The following STAT5A variants were observed in gnomAD, a reference collection of about 807,000 sequenced individuals.
STAT5A encodes signal transducer and activator of transcription 5A, also known as epididymis secretory sperm binding protein.
A neutral mutation model predicts 100.2 loss-of-function variants in STAT5A; 26 were observed. That is an observed-to-expected ratio of 0.26 (90% CI 0.19 to 0.36). The LOEUF is 0.36. Ranked by LOEUF, STAT5A falls within the 10% of genes least tolerant of loss-of-function variation. The pLI, the probability that STAT5A is intolerant of heterozygous loss-of-function variation, is 1.00. For synonymous variants in STAT5A, 330 were observed against 424.3 expected (o/e 0.78, Z 2.73); for missense variants, 634 against 1,027.5 (o/e 0.62, Z 5.24).
chr17:42,303,341 G>A (rs1390903345), intron 9 of STAT5A, among the ~76,000 whole-genome samples: 1 of 152,194 alleles, frequency 6.6e-6, no homozygotes, highest in Non-Finnish European at 1.5e-5. Context: ...ATTGCAGCTG[G>A]GGAGACTGAT....
Position 42,308,272 on chromosome 17 carries a change from C to A in STAT5A, c.2001C>A (p.Ile667=), listed in dbSNP as rs761289148. The A allele has an allele frequency of 1.2e-6, 2 of 1,614,210 alleles. No individual in the cohort carries two copies. The highest frequency in any genetic ancestry group is 1.7e-6 in the Non-Finnish European group (2 of 1,180,038). The change falls in exon 16 of 19, where the codon ATC becomes ATA. Residue 667 remains isoleucine (I), a synonymous_variant. Coordinates refer to ENST00000590949, the MANE Select transcript of STAT5A (RefSeq NM_001288718.2). The surrounding 1 kb of genome is among the most constrained non-coding windows in gnomAD (Gnocchi z 4.6). ...GGCTGGGGGACCTGAGCTATCTCAT[C>A]TATGTGTTTCCTGACCGCCCCAAGG... ...ADRLGDLSYL[I]YVFPDRPKDE...
At chr17:42,305,544 T>G in intron 11 of STAT5A, 66 bp from the exon 12 acceptor site, 1 of 1,295,720 alleles carries the variant, frequency 7.7e-7, no homozygotes, top group South Asian at 1.3e-5. Context: ...AGATTGGGCA[T>G]GTTGCCTAAG....
At position 42,308,287 on chromosome 17, in the gene STAT5A, C is replaced by T; in HGVS notation, c.2016C>T (p.Asp672=). The T allele has an allele frequency of 6.2e-7, 1 of 1,614,250 alleles. No homozygotes were observed. Among genetic ancestry groups the T allele is most frequent in the Admixed American group, 1.7e-5 (1 of 60,030 alleles). The part of the protein sequence containing the change: ...DLSYLIYVFP[D]RPKDEVFSKY... ...GCTATCTCATCTATGTGTTTCCTGA[C>T]CGCCCCAAGGATGAGGTCTTCTCCA... The change falls in exon 16 of 19, where the codon GAC becomes GAT. Residue 672 remains aspartate (D), a synonymous_variant. Transcript: ENST00000590949. The surrounding 1 kb of genome is among the most constrained non-coding windows in gnomAD (Gnocchi z 4.6).
At position 42,308,263 on chromosome 17, in the gene STAT5A, C is replaced by T. The variant is rs763815484; in HGVS notation, c.1992C>T (p.Ser664=). The T allele has an allele frequency of 1.2e-6, 2 of 1,614,210 alleles. No individual in the cohort carries two copies. The highest frequency in any genetic ancestry group is 4.5e-5 in the East Asian group (2 of 44,876). Residue 664 remains serine, a synonymous_variant, in exon 16 of 19, where the codon AGC becomes AGT. Coordinates refer to ENST00000590949, the MANE Select transcript of STAT5A (RefSeq NM_001288718.2). The surrounding 1 kb of genome is among the most constrained non-coding windows in gnomAD (Gnocchi z 4.6). ...TGGCTGACCGGCTGGGGGACCTGAG[C>T]TATCTCATCTATGTGTTTCCTGACC... The part of the protein sequence containing the change: ...RSLADRLGDL[S]YLIYVFPDRP...
In STAT5A at chr17:42,304,560, C is replaced by T. The variant is rs1204224434; in HGVS notation, c.1288C>T (p.Arg430Trp). The stretch of plus-strand genomic sequence containing the variant: ...GAAGAGGATCAAGCGTGCTGACCGG[C>T]GGGGTGCAGAGTCCGTGACAGAGGA... ...SLKRIKRADR[R>W]GAESVTEEKF... Residue 430 changes from arginine to tryptophan, a missense_variant, in exon 11 of 19, where the codon CGG becomes TGG. By Grantham distance (101) the Arg-to-Trp change is moderately radical (BLOSUM62 -3). Transcript: ENST00000590949. This position sits in a 1 kb window ranked among gnomAD's most constrained non-coding sequence, Gnocchi z 4.8. The T allele has an allele frequency of 6.2e-7, 1 of 1,614,206 alleles. No individual in the cohort carries two copies. Among genetic ancestry groups the T allele is most frequent in the South Asian group, 1.1e-5 (1 of 91,082 alleles).
intron 18 of STAT5A, among the ~76,000 whole-genome samples, chr17:42,310,097 T>C (rs2081065972): frequency 6.6e-6 from 1 of 152,190 alleles, no homozygotes; most frequent in Non-Finnish European, 1.5e-5. Context: ...GCTGTAAAAA[T>C]TGGAGTCATG....
rs2293156 is a variant in STAT5A at position 42,301,383 on chromosome 17, C to T, written c.1098C>T (p.Pro366=). ...GGAAGCTGAACGTGCACATGAATCC[C>T]CCCCAGGTGAAGGCCACCATCATCA... ...VGGKLNVHMN[P]PQVKATIISE... is the part of the protein sequence containing the mutation. Residue 366 remains proline, a synonymous_variant, in exon 9 of 19, where the codon CCC becomes CCT. Transcript: ENST00000590949. 85 of 1,614,062 alleles carry T rather than the reference C, an allele frequency of 5.3e-5. No individual in the cohort carries two copies. The East Asian group carries it at 6.7e-4, about 13-fold the overall frequency.
chr17:42,292,530 G>T (rs1182921628), intron 4 of STAT5A, among the ~76,000 whole-genome samples: 1 of 149,672 alleles, frequency 6.7e-6, no homozygotes, highest in Non-Finnish European at 1.5e-5. Context: ...GGGTTTCACT[G>T]TGTTAGCCAG....
At position 42,300,832 on chromosome 17, in the gene STAT5A, C is replaced by T. The variant is rs543513401; in HGVS notation, c.951C>T (p.Asn317=). The T allele has an allele frequency of 3.6e-5, 58 of 1,612,330 alleles. No individual in the cohort carries two copies. The highest frequency in any genetic ancestry group is 8.9e-5 in the East Asian group (4 of 44,846). ...GPVEEMLAEV[N]ATITDIISAL... ...TGGAGGAGATGCTGGCCGAGGTCAA[C>T]GCCACCATCACGGACATTATCTCAG... is the stretch of plus-strand genomic sequence containing the variant. Residue 317 remains asparagine, a synonymous_variant, in exon 8 of 19, where the codon AAC becomes AAT. Transcript: ENST00000590949.
chr17:42,309,651 G>A, intron 18 of STAT5A, 167 bp downstream of exon 18: 1 of 652,514 alleles, frequency 1.5e-6, no homozygotes. Context: ...AGACATAGCA[G>A]GGTCAAGTCC....
intron 9 of STAT5A, among the ~76,000 whole-genome samples, chr17:42,302,360 AG>A (rs961052069): frequency 2.0e-4 from 31 of 152,062 alleles, no homozygotes; most frequent in Admixed American, 1.2e-3. Context: ...GCACCGAGAA[AG>A]GGGGTCTTCT....
chr17:42,289,360 G>A (rs768880605), intron 1 of STAT5A, 42 bp from the exon 2 acceptor site: 26 of 1,537,334 alleles, frequency 1.7e-5, no homozygotes, highest in Non-Finnish European at 2.3e-5. Context: ...CGGTTCCTTG[G>A]CCTCTGCAGA....
chr17:42,300,691 G>C, intron 7 of STAT5A, 24 bp from the exon 8 acceptor site: 2 of 1,613,822 alleles, frequency 1.2e-6, no homozygotes, highest in Non-Finnish European at 1.7e-6. Flanking sequence ...TTGTCCTCCT[G>C]TTGGCCTTGG....
chr17:42,295,497 T>G, intron 4 of STAT5A, 122 bp from the exon 5 acceptor site: 1 of 1,016,680 alleles, frequency 9.8e-7, no homozygotes, highest in Non-Finnish European at 1.4e-6. Context: ...CTTGCCCTAG[T>G]TTCCCTTCTT....
Position 42,304,447 on chromosome 17 carries a change from C to G in STAT5A, c.1257+18C>G. 1.2e-6 allele frequency: 2 copies of G among 1,614,214 alleles called. No individual in the cohort carries two copies. Among genetic ancestry groups the G allele is most frequent in the Non-Finnish European group, 1.7e-6 (2 of 1,180,022 alleles). ...GGAACATGGTGAGGACGGGGCCCAC[C>G]CTCGGAGGGCAGGTCTGCCCAGAGC... On this transcript the variant is annotated intron_variant, in intron 10 of 18. Coordinates refer to ENST00000590949, the MANE Select transcript of STAT5A (RefSeq NM_001288718.2). The surrounding 1 kb of genome is among the most constrained non-coding windows in gnomAD (Gnocchi z 4.8).
At chr17:42,298,472 CTT>C (rs1165911823) in intron 5 of STAT5A, among the ~76,000 whole-genome samples, 34 of 126,974 alleles carry the variant, frequency 2.7e-4, no homozygotes, top group Admixed American at 5.6e-4. Flanking sequence ...ATGATGGATA[CTT>C]TTTTTTTTTT....
At position 42,305,606 on chromosome 17, in the gene STAT5A, G is replaced by A. The variant is rs764886521; in HGVS notation, c.1381-4G>A. On this transcript the variant is annotated splice_polypyrimidine_tract_variant and splice_region_variant and intron_variant, in intron 11 of 18. Transcript: ENST00000590949. ...ATCAACTTGGGTTCCTTTGACTCCT[G>A]TAGACTCTGTCCCTACCTGTGGTTG... is the stretch of plus-strand genomic sequence containing the variant. 1 of 1,614,148 alleles carries A rather than the reference G, an allele frequency of 6.2e-7. No individual in the cohort carries two copies. Among genetic ancestry groups the A allele is most frequent in the East Asian group, 2.2e-5 (1 of 44,888 alleles).
Position 42,288,673 on chromosome 17 carries a change from A to T in STAT5A, c.-11+75A>T, listed in dbSNP as rs1350870688. On this transcript the variant is annotated intron_variant, in intron 1 of 18. Transcript: ENST00000590949. This position sits in a 1 kb window ranked among gnomAD's most constrained non-coding sequence, Gnocchi z 4.8. ...CTACTGCCGCCCCGGCACCTCCGGC[A>T]CCCGGAGCTCGACGGCCGGGCGCAG... The T allele has an allele frequency of 6.6e-6, 1 of 152,150 alleles. No homozygotes were observed. The highest frequency in any genetic ancestry group is 2.4e-5 in the African/African-American group (1 of 41,374). The allele number at this position is 152,150 out of a possible 1,614,324, so 9.4% of individuals were successfully genotyped here. A position where few individuals can be genotyped will look rare whatever the true frequency, so the allele number is the denominator to read the frequency against.
intron 4 of STAT5A, among the ~76,000 whole-genome samples, chr17:42,294,255 G>C (rs1246083546): frequency 1.3e-5 from 2 of 151,920 alleles, no homozygotes; most frequent in Non-Finnish European, 2.9e-5. Context: ...GGTCACAAAG[G>C]GTCTTCCAGC....
Sources: gnomAD v4.1 joint callset for allele counts (sites outside exome capture counted in the v4.1 genomes callset) on GRCh38, gnomAD v4.1.1 for gene constraint, Gnocchi (gnomAD v3.1) non-coding constraint, MANE v1.5 for transcripts, NCBI Gene and HGNC (gene_info 2026-07-23, HGNC 2026-07-21) for gene names.